CDH8: variants seen among roughly 807,000 people sequenced by gnomAD.
The protein encoded by CDH8 is cadherin 8, also known as cadherin-8.
In CDH8, 17 loss-of-function variants were observed where a neutral mutation model predicts 68.1. That is an observed-to-expected ratio of 0.25 (90% CI 0.17 to 0.37). CDH8 has a LOEUF of 0.37. Ranked by LOEUF, CDH8 falls within the 10% of genes least tolerant of loss-of-function variation. CDH8 has a pLI of 1.00. For synonymous variants in CDH8, 372 were observed against 365.1 expected (o/e 1.02, Z -0.21); for missense variants, 763 against 999.3 (o/e 0.76, Z 3.19).
intron 4 of CDH8, among the ~76,000 whole-genome samples, chr16:61,851,052 A>G (rs557593026): frequency 6.6e-6 from 1 of 152,158 alleles, no homozygotes; most frequent in Non-Finnish European, 1.5e-5. Flanking sequence ...TGTCTTCACT[A>G]AGCAAGTTCT....
intron 3 of CDH8, among the ~76,000 whole-genome samples, chr16:61,893,113 T>C (rs1212246571): frequency 2.0e-5 from 3 of 152,140 alleles, no homozygotes; most frequent in East Asian, 1.9e-4. Context: ...AGGATCCTTC[T>C]AGGCCCCTTC....
At chr16:61,654,748 G>A (rs552702298) in intron 11 of CDH8, among the ~76,000 whole-genome samples, 2 of 152,256 alleles carry the variant, frequency 1.3e-5, no homozygotes, top group South Asian at 4.1e-4. Context: ...TCAAAGTGAT[G>A]CTTAAATCCA....
chr16:62,018,515 G>C lies in CDH8; in HGVS notation c.252+2637C>G, dbSNP rs560116367. ...ACACTAAAGCACCGGTGGGCACCCC[G>C]ATTCAGATCATCTTCGCACTCAGCC... On this transcript the variant is annotated intron_variant, in intron 2 of 11. Coordinates refer to ENST00000577390, the MANE Select transcript of CDH8 (RefSeq NM_001796.5). Among the ~76,000 whole-genome samples, 5 of 152,172 alleles carry C rather than the reference G, an allele frequency of 3.3e-5. 1 individual carries two copies. The South Asian group carries it at 1.0e-3, about 32-fold the overall frequency.
chr16:61,989,478 A>G (rs1965681429), intron 2 of CDH8, among the ~76,000 whole-genome samples: 1 of 152,182 alleles, frequency 6.6e-6, no homozygotes, highest in African/African-American at 2.4e-5. Context: ...TAGAAAAGGC[A>G]GAGCATCTGG....
chr16:61,717,026 G>C (rs894964769), intron 9 of CDH8, among the ~76,000 whole-genome samples: 2 of 151,506 alleles, frequency 1.3e-5, no homozygotes, highest in Non-Finnish European at 3.0e-5. Flanking sequence ...GACCACGTAG[G>C]GTCCACTGTG....
At chr16:61,866,078 A>C (rs1963247420) in intron 3 of CDH8, among the ~76,000 whole-genome samples, 1 of 122,302 alleles carries the variant, frequency 8.2e-6, no homozygotes, top group Non-Finnish European at 1.7e-5. Flanking sequence ...TTAGCTGGGC[A>C]TGGTGGTGTG....
chr16:61,691,597 T>C (rs1964224378), intron 10 of CDH8, among the ~76,000 whole-genome samples: 1 of 151,904 alleles, frequency 6.6e-6, no homozygotes, highest in Admixed American at 6.6e-5. Context: ...CGATCTTTAG[T>C]AGGATTGTTG....
At chr16:61,749,710 G>A (rs1444147892) in intron 8 of CDH8, among the ~76,000 whole-genome samples, 9 of 151,864 alleles carry the variant, frequency 5.9e-5, no homozygotes, top group African/African-American at 1.9e-4. Flanking sequence ...ATTTGTCCCC[G>A]TTTTATTTTG....
chr16:62,009,686 C>A (rs1404069755), intron 2 of CDH8, among the ~76,000 whole-genome samples: 1 of 152,108 alleles, frequency 6.6e-6, no homozygotes, highest in Non-Finnish European at 1.5e-5. Context: ...ACAGCTCTGG[C>A]GTGGTTAAAA....
At chr16:61,966,657 T>C (rs1244427994) in intron 2 of CDH8, among the ~76,000 whole-genome samples, 1 of 152,170 alleles carries the variant, frequency 6.6e-6, no homozygotes, top group African/African-American at 2.4e-5. Context: ...ATGTGTCCAA[T>C]AAGAACACTT....
At chr16:61,731,267 C>T (rs1382030468) in intron 8 of CDH8, among the ~76,000 whole-genome samples, 1 of 150,104 alleles carries the variant, frequency 6.7e-6, no homozygotes, top group Non-Finnish European at 1.5e-5. Context: ...AGGCTAGTTG[C>T]CAGAGAGAAT....
chr16:61,774,728 C>G (rs760932341), intron 8 of CDH8, among the ~76,000 whole-genome samples: 17 of 151,990 alleles, frequency 1.1e-4, no homozygotes, highest in Non-Finnish European at 1.8e-4. Context: ...CAGGATAAAG[C>G]AATAATGAAA....
At chr16:61,926,794 G>C (rs1325472634) in intron 2 of CDH8, among the ~76,000 whole-genome samples, 2 of 152,154 alleles carry the variant, frequency 1.3e-5, no homozygotes, top group Non-Finnish European at 2.9e-5. Flanking sequence ...GGCATCTAGG[G>C]TGTGCTGAGC....
intron 9 of CDH8, among the ~76,000 whole-genome samples, chr16:61,720,820 T>C (rs1369360647): frequency 6.6e-6 from 1 of 150,840 alleles, no homozygotes. Context: ...GTATAGTGTG[T>C]TGCTTTAAGC....
intron 2 of CDH8, among the ~76,000 whole-genome samples, chr16:61,919,731 A>T (rs1383853076): frequency 6.6e-6 from 1 of 152,164 alleles, no homozygotes. Context: ...ACCAAGTTGG[A>T]AAACACTCTG....
At chr16:61,988,650 T>G (rs192390628) in intron 2 of CDH8, among the ~76,000 whole-genome samples, 1 of 152,264 alleles carries the variant, frequency 6.6e-6, no homozygotes, top group East Asian at 1.9e-4. Context: ...CTTTACTAAA[T>G]AAACACAAAA....
In CDH8 at chr16:61,653,665, G is replaced by T. The variant is rs1963376672; in HGVS notation, c.2343C>A (p.Pro781=). 6.2e-7 allele frequency: 1 copy of T among 1,613,888 alleles called. No individual in the cohort carries two copies. The highest frequency in any genetic ancestry group is 8.5e-7 in the Non-Finnish European group (1 of 1,179,974). Residue 781 remains proline (P), a synonymous_variant, in exon 12 of 12, where the codon CCC becomes CCA. Coordinates refer to ENST00000577390, the MANE Select transcript of CDH8 (RefSeq NM_001796.5). ...QNFDYLSDWG[P]RFKRLGELYS... ...AGAGTTCGCCCAGTCTCTTAAAGCG[G>T]GGACCCCAGTCACTGAGGTAGTCAA...
At position 62,007,447 on chromosome 16, in the gene CDH8, A is replaced by G. The variant is rs186459845; in HGVS notation, c.252+13705T>C. ...TAGAAAATGTGTAGGGTTAAAAAACAAAATTGGTCTCTGAAAATTCAAGAA... is the reference window on the plus strand; with the variant it reads ...TAGAAAATGTGTAGGGTTAAAAAACGAAATTGGTCTCTGAAAATTCAAGAA... On this transcript the variant is annotated intron_variant, in intron 2 of 11. Coordinates refer to ENST00000577390, the MANE Select transcript of CDH8 (RefSeq NM_001796.5). 1.5e-3 allele frequency among the ~76,000 whole-genome samples: 226 copies of G among 152,348 alleles called. 1 individual carries two copies. The highest frequency in any genetic ancestry group is 2.2e-3 in the Non-Finnish European group (148 of 68,030).
intron 2 of CDH8, among the ~76,000 whole-genome samples, chr16:61,923,280 T>C (rs1263740508): frequency 6.6e-6 from 1 of 152,184 alleles, no homozygotes; most frequent in Non-Finnish European, 1.5e-5. Context: ...TCAACTCCTT[T>C]CATTCCACCG....
Sources: gnomAD v4.1 joint callset for allele counts (sites outside exome capture counted in the v4.1 genomes callset) on GRCh38, gnomAD v4.1.1 for gene constraint, MANE v1.5 for transcripts, NCBI Gene and HGNC (gene_info 2026-07-23, HGNC 2026-07-21) for gene names.